MKX: variants seen among roughly 807,000 people sequenced by gnomAD.
MKX encodes the protein homeobox protein Mohawk.
MKX carries 13 observed loss-of-function variants against 36.0 expected under a neutral mutation model. The ratio of observed to expected loss-of-function variants is 0.36; its 90% CI spans 0.24 to 0.57. The LOEUF (loss-of-function observed/expected upper bound fraction) is 0.57. Among genes scored for constraint, MKX ranks in the 20% least tolerant of loss-of-function variants. The pLI is 0.79. For synonymous variants in MKX, 176 were observed against 178.3 expected (o/e 0.99, Z 0.10); for missense variants, 458 against 456.4 (o/e 1.00, Z -0.03).
At chr10:27,695,852 G>T (rs1836544419) in intron 5 of MKX, among the ~76,000 whole-genome samples, 2 of 152,206 alleles carry the variant, frequency 1.3e-5, no homozygotes, top group African/African-American at 4.8e-5. Flanking sequence ...GGTAATGAGA[G>T]CTGTGTGGGA....
chr10:27,712,129 C>T (rs141352874), intron 5 of MKX, among the ~76,000 whole-genome samples: 1 of 152,204 alleles, frequency 6.6e-6, no homozygotes, highest in African/African-American at 2.4e-5. Flanking sequence ...GTCAAAAGAG[C>T]GCTCTGTCCC....
At chr10:27,739,732 G>C (rs1834853863) in intron 3 of MKX, among the ~76,000 whole-genome samples, 1 of 152,086 alleles carries the variant, frequency 6.6e-6, no homozygotes, top group Non-Finnish European at 1.5e-5. Context: ...CTGTATGAAA[G>C]AATAGTCTCT....
At chr10:27,729,991 G>A (rs533889250) in intron 5 of MKX, among the ~76,000 whole-genome samples, 1 of 151,560 alleles carries the variant, frequency 6.6e-6, no homozygotes, top group East Asian at 1.9e-4. Flanking sequence ...CTAGAGGCTT[G>A]GACATCAGTT....
In MKX at chr10:27,734,652, T is replaced by A. The variant is rs141896248; in HGVS notation, c.642A>T (p.Ala214=). The change falls in exon 5 of 7, where the codon GCA becomes GCT. Residue 214 remains alanine (A), a synonymous_variant. Transcript: ENST00000419761. The part of the protein sequence containing the change: ...PESRASEDYV[A]PPKYKSSLLN... Reference sequence around the variant, plus strand: ...ACAAGCTGCTCTTGTATTTGGGGGGTGCCACGTAGTCCTCACTGGCCCGTG... The same window carrying A: ...ACAAGCTGCTCTTGTATTTGGGGGGAGCCACGTAGTCCTCACTGGCCCGTG... 1.2e-6 allele frequency: 2 copies of A among 1,614,026 alleles called. No individual in the cohort carries two copies. Among genetic ancestry groups the A allele is most frequent in the Non-Finnish European group, 1.7e-6 (2 of 1,179,990 alleles).
chr10:27,735,740 T>A (rs1239664427), intron 3 of MKX, among the ~76,000 whole-genome samples: 1 of 152,206 alleles, frequency 6.6e-6, no homozygotes, highest in African/African-American at 2.4e-5. Flanking sequence ...GAGGGGTTAC[T>A]TTCATATATG....
intron 5 of MKX, among the ~76,000 whole-genome samples, chr10:27,718,252 G>GA (rs1215179754): frequency 6.6e-6 from 1 of 152,098 alleles, no homozygotes; most frequent in Admixed American, 6.6e-5. Flanking sequence ...GGTATTAGAG[G>GA]AAAGCAAAAC....
At chr10:27,712,499 A>G (rs1054723855) in intron 5 of MKX, among the ~76,000 whole-genome samples, 25 of 152,128 alleles carry the variant, frequency 1.6e-4, no homozygotes, top group Admixed American at 1.3e-4. Context: ...GGGGATTAGG[A>G]GGTAAAAGGA....
chr10:27,699,678 C>T (rs1170920543), intron 5 of MKX, among the ~76,000 whole-genome samples: 11 of 152,158 alleles, frequency 7.2e-5, no homozygotes, highest in Admixed American at 3.9e-4. Flanking sequence ...CTTCCACACG[C>T]GCCTTCCCAG....
chr10:27,743,649 C>A (rs1161753922), intron 1 of MKX, 152 bp from the exon 2 acceptor site: 5 of 511,462 alleles, frequency 9.8e-6, no homozygotes, highest in South Asian at 2.8e-5. Context: ...CGGCTCTCCC[C>A]AGTTGGCTAC....
intron 5 of MKX, among the ~76,000 whole-genome samples, chr10:27,723,092 G>A (rs972433675): frequency 1.6e-4 from 24 of 152,096 alleles, no homozygotes; most frequent in Admixed American, 9.2e-4. Flanking sequence ...CACCTTTCAA[G>A]ATAGTTGAGA....
At chr10:27,691,994 A>G (rs972735647) in intron 5 of MKX, among the ~76,000 whole-genome samples, 2 of 152,146 alleles carry the variant, frequency 1.3e-5, no homozygotes, top group Admixed American at 1.3e-4. Flanking sequence ...TGGTATTGTG[A>G]ATAGTGCTGC....
chr10:27,695,767 A>G (rs1366896324), intron 5 of MKX, among the ~76,000 whole-genome samples: 1 of 152,234 alleles, frequency 6.6e-6, no homozygotes, highest in East Asian at 1.9e-4. Flanking sequence ...CATAATGATA[A>G]TAAAGAGAAT....
intron 5 of MKX, among the ~76,000 whole-genome samples, chr10:27,701,266 T>G (rs1248496212): frequency 1.4e-5 from 1 of 72,700 alleles, no homozygotes; most frequent in Non-Finnish European, 3.1e-5. Flanking sequence ...TCAAAGGACT[T>G]TCCCTCTAAA....
At chr10:27,716,044 G>A (rs992547693) in intron 5 of MKX, among the ~76,000 whole-genome samples, 1 of 152,094 alleles carries the variant, frequency 6.6e-6, no homozygotes, top group African/African-American at 2.4e-5. Flanking sequence ...ATATGAATTC[G>A]AATCATGGTT....
At chr10:27,675,478 A>G (rs1055639053) in intron 6 of MKX, 43 bp downstream of exon 6, 1 of 1,614,160 alleles carries the variant, frequency 6.2e-7, no homozygotes, top group Non-Finnish European at 8.5e-7. Context: ...TGAAAATGCC[A>G]TCGCTGAAAA....
chr10:27,682,304 G>A (rs551472585), intron 5 of MKX, among the ~76,000 whole-genome samples: 4 of 152,216 alleles, frequency 2.6e-5, no homozygotes, highest in South Asian at 2.1e-4. Flanking sequence ...TTTAAAAAGC[G>A]TATAAAGTAA....
At chr10:27,685,868 T>C (rs1836338282) in intron 5 of MKX, among the ~76,000 whole-genome samples, 1 of 152,198 alleles carries the variant, frequency 6.6e-6, no homozygotes, top group South Asian at 2.1e-4. Flanking sequence ...CAGAGGAAAT[T>C]TTTGTGGTTA....
chr10:27,672,964 A>T lies in MKX; in HGVS notation c.*2265T>A, dbSNP rs1439894220. On this transcript the variant is annotated 3_prime_UTR_variant, in exon 7 of 7. Coordinates refer to ENST00000419761, the MANE Select transcript of MKX (RefSeq NM_173576.3). The stretch of plus-strand genomic sequence containing the variant: ...TAAAATGATTACATATGGCAAAACA[A>T]AGAATAGAGGTAATTCTATTTCTCT... 6.6e-6 allele frequency: 1 copy of T among 152,216 alleles called. No homozygotes were observed. Among genetic ancestry groups the T allele is most frequent in the African/African-American group, 2.4e-5 (1 of 41,460 alleles). The allele number at this position is 152,216 out of a possible 1,614,324, so 9.4% of individuals were successfully genotyped here.
At chr10:27,688,263 C>T (rs906825524) in intron 5 of MKX, among the ~76,000 whole-genome samples, 2 of 151,650 alleles carry the variant, frequency 1.3e-5, no homozygotes, top group Admixed American at 6.6e-5. Flanking sequence ...GAATTAAATG[C>T]AGTCACCAGA....
Sources: gnomAD v4.1 joint callset for allele counts (sites outside exome capture counted in the v4.1 genomes callset) on GRCh38, gnomAD v4.1.1 for gene constraint, MANE v1.5 for transcripts, NCBI Gene and HGNC (gene_info 2026-07-23, HGNC 2026-07-21) for gene names.